Variants in C9 observed in about 807,000 individuals in gnomAD.
The protein encoded by C9 is complement component C9.
In C9, 63 loss-of-function variants were observed where a neutral mutation model predicts 65.4. The ratio of observed to expected loss-of-function variants is 0.96; its 90% CI spans 0.79 to 1.19. C9 has a LOEUF of 1.19. C9 is among the 50% of genes most tolerant of loss of function. The probability of loss-of-function intolerance (pLI) is 0.00; values close to 1 mark genes in which losing one functional copy is unlikely to be tolerated. For missense variants in C9, 744 were observed against 670.1 expected (o/e 1.11, Z -1.22); for synonymous variants, 229 against 227.9 (o/e 1.00, Z -0.04).
At chr5:39,291,247 T>C (rs780850051) in intron 9 of C9, among the ~76,000 whole-genome samples, 1 of 135,242 alleles carries the variant, frequency 7.4e-6, no homozygotes, top group Non-Finnish European at 1.7e-5. Context: ...CTGGAAGTTA[T>C]TAAAAATAGA....
intron 1 of C9, among the ~76,000 whole-genome samples, chr5:39,362,857 A>AC (rs1439520218): frequency 6.6e-6 from 1 of 152,198 alleles, no homozygotes; most frequent in Non-Finnish European, 1.5e-5. Flanking sequence ...GAGCAGGGCA[A>AC]CCGGGGCAAA....
chr5:39,350,283 G>A (rs963872367), intron 1 of C9, among the ~76,000 whole-genome samples: 2 of 152,140 alleles, frequency 1.3e-5, no homozygotes, highest in Non-Finnish European at 2.9e-5. Context: ...TTTCCGACAG[G>A]CTCCTCCTTG....
chr5:39,345,440 C>G (rs1097211), intron 1 of C9, among the ~76,000 whole-genome samples: 1 of 151,970 alleles, frequency 6.6e-6, no homozygotes, highest in Non-Finnish European at 1.5e-5. Context: ...CATTACATAA[C>G]GGTAAAGGGA....
intron 5 of C9, among the ~76,000 whole-genome samples, chr5:39,323,431 C>G (rs1753696077): frequency 6.7e-6 from 1 of 149,358 alleles, no homozygotes; most frequent in South Asian, 2.1e-4. Flanking sequence ...AAAATATAAA[C>G]AAACTAAATT....
At chr5:39,336,123 A>G (rs2111941724) in intron 4 of C9, among the ~76,000 whole-genome samples, 1 of 152,310 alleles carries the variant, frequency 6.6e-6, no homozygotes, top group Middle Eastern at 3.4e-3. Flanking sequence ...CAATAAATAT[A>G]AATGCTGTAG....
intron 1 of C9, among the ~76,000 whole-genome samples, chr5:39,359,102 G>GTATATATATATATA (rs1157807681): frequency 2.0e-3 from 207 of 103,640 alleles, no homozygotes; most frequent in East Asian, 0.011. Flanking sequence ...GTGTGTGTGT[G>GTATATATATATATA]TATATATATA....
chr5:39,286,948 G>T (rs1029201061), intron 10 of C9, among the ~76,000 whole-genome samples: 1 of 151,906 alleles, frequency 6.6e-6, no homozygotes, highest in East Asian at 1.9e-4. Flanking sequence ...GATAAACGAG[G>T]CTGTGAACTT....
In C9 at chr5:39,341,627, C is replaced by T. The variant is rs764410729; in HGVS notation, c.257G>A (p.Arg86Gln). 16 of 1,613,774 alleles carry T rather than the reference C, an allele frequency of 9.9e-6. No individual in the cohort carries two copies. Among genetic ancestry groups the T allele is most frequent in the African/African-American group, 2.7e-5 (2 of 74,902 alleles). ...ACAGGGCTCTGTGGGCACACACTGT[C>T]GTCTGTCTCCCACAGCGTCGGTGCA... ...KRCTDAVGDR[R>Q]QCVPTEPCED... The change falls in exon 3 of 11, where the codon CGA becomes CAA. Residue 86 changes from arginine to glutamine, a missense_variant. By Grantham distance (43) the Arg-to-Gln change is conservative. Coordinates refer to ENST00000263408, the MANE Select transcript of C9 (RefSeq NM_001737.5).
intron 4 of C9, among the ~76,000 whole-genome samples, chr5:39,337,765 C>T (rs1753996115): frequency 6.6e-6 from 1 of 152,188 alleles, no homozygotes; most frequent in Admixed American, 6.5e-5. Context: ...CAGATGCCTA[C>T]AAATAAGAGG....
In C9 at chr5:39,342,152, A is replaced by C; in HGVS notation, c.122T>G (p.Ile41Arg). Residue 41 changes from isoleucine (I) to arginine (R), a missense_variant, in exon 2 of 11, where the codon ATA becomes AGA. Coordinates refer to ENST00000263408, the MANE Select transcript of C9 (RefSeq NM_001737.5). Reference protein sequence around the residue: ...LTESSGSASHIDCRMSPWSEW... With the variant: ...LTESSGSASHRDCRMSPWSEW... The stretch of plus-strand genomic sequence containing the variant: ...ACTCCAGGGGCTCATTCTGCAGTCT[A>C]TGTGTGATGCAGAGCCACTGCTTTC... 6.2e-7 allele frequency: 1 copy of C among 1,610,392 alleles called. No individual in the cohort carries two copies. The highest frequency in any genetic ancestry group is 8.5e-7 in the Non-Finnish European group (1 of 1,176,624).
intron 5 of C9, among the ~76,000 whole-genome samples, chr5:39,326,984 A>AT (rs36109734): frequency 0.03 from 4,564 of 152,316 alleles, 210 homozygotes; most frequent in African/African-American, 0.1. Context: ...AGTATACAAT[A>AT]TAGTTTTTCA....
chr5:39,360,545 G>A (rs1306880871), intron 1 of C9, among the ~76,000 whole-genome samples: 1 of 152,174 alleles, frequency 6.6e-6, no homozygotes, highest in Non-Finnish European at 1.5e-5. Flanking sequence ...AAAAATATGT[G>A]TAATTCATAT....
At chr5:39,331,892 T>C (rs1753847525) in intron 4 of C9, 78 bp from the exon 5 acceptor site, 2 of 1,225,536 alleles carry the variant, frequency 1.6e-6, no homozygotes, top group African/African-American at 1.5e-5. Flanking sequence ...CTGGAAAAAG[T>C]GAGACAGCTT....
chr5:39,297,555 A>T (rs1753206559), intron 9 of C9, among the ~76,000 whole-genome samples: 1 of 151,702 alleles, frequency 6.6e-6, no homozygotes, highest in East Asian at 1.9e-4. Context: ...AAGTTATCCC[A>T]TACAACATTA....
chr5:39,289,057 A>G (rs1009905466), intron 9 of C9, 106 bp from the exon 10 acceptor site: 1 of 731,322 alleles, frequency 1.4e-6, no homozygotes, highest in African/African-American at 1.7e-5. Flanking sequence ...TTCAACAAAG[A>G]CTTATTGAAT....
chr5:39,333,710 T>G (rs1408842457), intron 4 of C9, among the ~76,000 whole-genome samples: 1 of 151,864 alleles, frequency 6.6e-6, no homozygotes, highest in Admixed American at 6.6e-5. Context: ...GCAGCCTCCC[T>G]GCCTGATTCT....
chr5:39,314,623 T>A (rs1753540671), intron 6 of C9, among the ~76,000 whole-genome samples: 1 of 152,198 alleles, frequency 6.6e-6, no homozygotes, highest in East Asian at 1.9e-4. Context: ...CTAACTTTTA[T>A]CACACCAGGT....
Position 39,306,745 on chromosome 5 carries a change from T to A in C9, c.1288A>T (p.Arg430Ter). The A allele has an allele frequency of 6.2e-7, 1 of 1,612,698 alleles. No homozygotes were observed. The highest frequency in any genetic ancestry group is 8.5e-7 in the Non-Finnish European group (1 of 1,178,786). The change falls in exon 9 of 11, where the codon AGA becomes TGA. Residue 430 changes from arginine (R) to a stop codon, truncating the protein, a stop_gained. Coordinates refer to ENST00000263408, the MANE Select transcript of C9 (RefSeq NM_001737.5). LOFTEE classifies it high-confidence loss of function. ...NLIDDVVSLI[R>*]GGTRKYAFEL... ...AATGCATATTTTCTGGTTCCACCTC[T>A]TATGAGTGAAACAACATCATCTATG...
rs772312278 is a variant in C9, at chr5:39,341,706, C to T, written c.184-6G>A. On this transcript the variant is annotated splice_polypyrimidine_tract_variant and splice_region_variant and intron_variant, in intron 2 of 10. Transcript: ENST00000263408. ...TCAATGCTTCTTGAACGAAACTGCA[C>T]AATATCAGTTGGAATGATTAGAATT... 6.2e-7 allele frequency: 1 copy of T among 1,613,638 alleles called. No homozygotes were observed. Among genetic ancestry groups the T allele is most frequent in the Non-Finnish European group, 8.5e-7 (1 of 1,179,698 alleles).
Sources: allele counts gnomAD v4.1 joint callset (sites outside exome capture counted in the v4.1 genomes callset), GRCh38; gene constraint gnomAD v4.1.1; transcripts MANE v1.5; gene names NCBI Gene and HGNC (gene_info 2026-07-23, HGNC 2026-07-21).